The following CCNL2 variants were observed in gnomAD, a reference collection of about 807,000 sequenced individuals.
The protein encoded by CCNL2 is cyclin-L2.
A neutral mutation model predicts 59.1 loss-of-function variants in CCNL2; 28 were observed. The observed-to-expected ratio is 0.47, with a 90% CI of 0.35 to 0.65. The LOEUF (loss-of-function observed/expected upper bound fraction) is 0.65, where lower values mean the gene tolerates loss of function less well. CCNL2 is among the 30% of genes least tolerant of loss of function. The probability of loss-of-function intolerance (pLI) is 0.00; values close to 1 mark genes in which losing one functional copy is unlikely to be tolerated. For synonymous variants in CCNL2, 342 were observed against 288.6 expected, an observed-to-expected ratio of 1.19 and a Z score of -1.88; for missense variants, 714 against 717.4, an observed-to-expected ratio of 1.00 and a Z score of 0.05.
In CCNL2 at chr1:1,386,931, G is replaced by A. The variant is rs1458776441; in HGVS notation, c.*300C>T. ...GCCATGCCAGGCCACGCCAACAAGG[G>A]CGTGTGCATTCACTTTTTCATTGAG... On this transcript the variant is annotated 3_prime_UTR_variant, in exon 11 of 11. Coordinates refer to ENST00000400809, the MANE Select transcript of CCNL2 (RefSeq NM_030937.6). The A allele has an allele frequency of 2.6e-5, 9 of 351,460 alleles. No homozygotes were observed. The highest frequency in any genetic ancestry group is 4.6e-5 in the Non-Finnish European group (9 of 194,086). The allele number at this position is 351,460 out of a possible 1,614,324, so 21.8% of individuals were successfully genotyped here. A position where few individuals can be genotyped will look rare whatever the true frequency, so the allele number is the denominator to read the frequency against.
chr1:1,387,106 T>C lies in CCNL2; in HGVS notation c.*125A>G. On this transcript the variant is annotated 3_prime_UTR_variant, in exon 11 of 11. Coordinates refer to ENST00000400809, the MANE Select transcript of CCNL2 (RefSeq NM_030937.6). ...CGACAGACATTTCCAAAAAGAATCC[T>C]GTTCTAGGACCACTTGCGCTGAGAG... 2 of 689,348 alleles carry C rather than the reference T, an allele frequency of 2.9e-6. No individual in the cohort carries two copies. The highest frequency in any genetic ancestry group is 4.8e-6 in the Non-Finnish European group (2 of 416,964). 42.7% of individuals were successfully genotyped at this position (689,348 alleles called of 1,614,324 possible). A position where few individuals can be genotyped will look rare whatever the true frequency, so the allele number is the denominator to read the frequency against.
Position 1,398,708 on chromosome 1 carries a change from C to T in CCNL2, c.289-37G>A, listed in dbSNP as rs542450128. The T allele has an allele frequency of 1.9e-6, 3 of 1,576,366 alleles. No homozygotes were observed. In the Admixed American group the frequency reaches 5.0e-5, roughly 26 times the overall value. On this transcript the variant is annotated intron_variant, in intron 1 of 10. Coordinates refer to ENST00000400809, the MANE Select transcript of CCNL2 (RefSeq NM_030937.6). ...GAAAGTTTCCGTATTTTCAAACGCACCATTCAAAGCCTTCGCGGCCGAAAG... is the reference window on the plus strand; with the variant it reads ...GAAAGTTTCCGTATTTTCAAACGCATCATTCAAAGCCTTCGCGGCCGAAAG...
chr1:1,398,199 T>A (rs1645153865), intron 3 of CCNL2, 34 bp downstream of exon 3: 2 of 1,597,258 alleles, frequency 1.3e-6, no homozygotes, highest in South Asian at 1.1e-5. Context: ...AAAATAGGCA[T>A]CTATGATAGA....
chr1:1,391,644 C>G (rs749880113), intron 5 of CCNL2: 21 of 871,174 alleles, frequency 2.4e-5, no homozygotes, highest in Non-Finnish European at 3.3e-5. Flanking sequence ...TGAGAAGCAA[C>G]ATAATACTGA....
rs1380366705 is a variant in CCNL2, at chr1:1,387,033, C to T, written c.*198G>A. Reference sequence around the variant, plus strand: ...CCGCACCCCAGACCGGTCTGAAGCACGTGTCACCGGTCCCTCAGTTCCATT... The same window carrying T: ...CCGCACCCCAGACCGGTCTGAAGCATGTGTCACCGGTCCCTCAGTTCCATT... On this transcript the variant is annotated 3_prime_UTR_variant, in exon 11 of 11. Coordinates refer to ENST00000400809, the MANE Select transcript of CCNL2 (RefSeq NM_030937.6). 1.6e-5 allele frequency: 9 copies of T among 563,626 alleles called. No homozygotes were observed. Among genetic ancestry groups the T allele is most frequent in the South Asian group, 2.5e-5 (1 of 39,482 alleles). The allele number at this position is 563,626 out of a possible 1,614,324, so 34.9% of individuals were successfully genotyped here. A position where few individuals can be genotyped will look rare whatever the true frequency, so the allele number is the denominator to read the frequency against.
At chr1:1,391,007 G>GA in intron 5 of CCNL2, 142 bp from the exon 6 acceptor site, 1 of 861,600 alleles carries the variant, frequency 1.2e-6, no homozygotes, top group Non-Finnish European at 1.8e-6. Context: ...ACAGTCCTGT[G>GA]AATCTCAAGA....
intron 8 of CCNL2, chr1:1,388,298 G>A (rs1290849319): frequency 7.7e-6 from 4 of 519,652 alleles, no homozygotes; most frequent in Admixed American, 3.2e-5. Flanking sequence ...CGAGGAGGGC[G>A]GATCACAAAG....
intron 2 of CCNL2, 41 bp from the exon 3 acceptor site, chr1:1,398,383 G>A: frequency 1.9e-6 from 3 of 1,612,906 alleles, no homozygotes; most frequent in South Asian, 1.1e-5. Flanking sequence ...TTTGTCCCCA[G>A]CCACGGCGTC....
At chr1:1,396,738 C>T (rs944285625) in intron 3 of CCNL2, among the ~76,000 whole-genome samples, 4 of 151,186 alleles carry the variant, frequency 2.6e-5, no homozygotes, top group African/African-American at 9.7e-5. Context: ...CGCAACCACA[C>T]CCGGCTAATT....
intron 4 of CCNL2, among the ~76,000 whole-genome samples, chr1:1,394,051 A>G (rs1644882629): frequency 6.6e-6 from 1 of 151,568 alleles, no homozygotes; most frequent in Non-Finnish European, 1.5e-5. Flanking sequence ...GCTTGAAACC[A>G]GGAGGCGGAG....
Position 1,387,599 on chromosome 1 carries a change from C to T in CCNL2, c.1212-17G>A. 6.8e-7 allele frequency: 1 copy of T among 1,471,250 alleles called. No individual in the cohort carries two copies. The highest frequency in any genetic ancestry group is 9.0e-7 in the Non-Finnish European group (1 of 1,106,776). 91.1% of individuals were successfully genotyped at this position (1,471,250 alleles called of 1,614,324 possible). A position where few individuals can be genotyped will look rare whatever the true frequency, so the allele number is the denominator to read the frequency against. Reference sequence around the variant, plus strand: ...TCACTTTTCCTGGGAGGAAGAACAGCACCACCACACGTGTGACCATCTGGC... The same window carrying T: ...TCACTTTTCCTGGGAGGAAGAACAGTACCACCACACGTGTGACCATCTGGC... On this transcript the variant is annotated splice_polypyrimidine_tract_variant and intron_variant, in intron 10 of 10. Transcript: ENST00000400809.
intron 2 of CCNL2, 71 bp downstream of exon 2, chr1:1,398,526 C>G: frequency 6.3e-7 from 1 of 1,583,852 alleles, no homozygotes. Context: ...CCCTTAGTAA[C>G]CGGGCAAAGT....
rs1384864910 is a variant in CCNL2 at position 1,390,131 on chromosome 1, AAAT to A, written c.1006+96_1006+98del. On this transcript the variant is annotated intron_variant, in intron 8 of 10. Coordinates refer to ENST00000400809, the MANE Select transcript of CCNL2 (RefSeq NM_030937.6). ...CCTGTCTCAAAAAAAAAAAAAAAAA[AAAT>A]GTCTGGAAGGAGCACATACCCCAGA... The A allele has an allele frequency of 5.1e-5, 62 of 1,209,326 alleles. No homozygotes were observed. In the Admixed American group the frequency reaches 6.9e-4, roughly 14 times the overall value. The allele number at this position is 1,209,326 out of a possible 1,614,324, so 74.9% of individuals were successfully genotyped here. A position where few individuals can be genotyped will look rare whatever the true frequency, so the allele number is the denominator to read the frequency against.
At chr1:1,388,177 A>G (rs1644562953) in intron 8 of CCNL2, 112 bp from the exon 9 acceptor site, 2 of 802,008 alleles carry the variant, frequency 2.5e-6, no homozygotes, top group Admixed American at 2.2e-5. Context: ...ACGCAAGCAG[A>G]CTGTAACTTC....
At chr1:1,394,782 G>A (rs1326385005) in intron 4 of CCNL2, among the ~76,000 whole-genome samples, 1 of 147,584 alleles carries the variant, frequency 6.8e-6, no homozygotes, top group Non-Finnish European at 1.5e-5. Context: ...AAAAAGGCCA[G>A]GCACAGTGGC....
chr1:1,398,967 G>A (rs1357286355), intron 1 of CCNL2, 52 bp downstream of exon 1: 19 of 1,518,178 alleles, frequency 1.3e-5, no homozygotes, highest in Non-Finnish European at 1.6e-5. Flanking sequence ...CAACAAAGGC[G>A]GCTGCCGCCC....
Position 1,387,489 on chromosome 1 carries a change from G to A in CCNL2, c.1305C>T (p.Ser435=), listed in dbSNP as rs151205333. 1.9e-4 allele frequency: 300 copies of A among 1,598,660 alleles called. No homozygotes were observed. In the African/African-American group the frequency reaches 3.5e-3, roughly 18 times the overall value. The change falls in exon 11 of 11, where the codon AGC becomes AGT. Residue 435 remains serine (S), a synonymous_variant. Transcript: ENST00000400809. ...SDSPPRQAPR[S]APYKGSEIRG... ...GAATCTCAGAGCCTTTGTAGGGAGCGCTGCGGGGGGCCTGTCTCGGTGGGG... is the reference window on the plus strand; with the variant it reads ...GAATCTCAGAGCCTTTGTAGGGAGCACTGCGGGGGGCCTGTCTCGGTGGGG...
rs866884127 is a variant in CCNL2, at chr1:1,386,600, T to G, written c.*631A>C. The G allele has an allele frequency of 6.6e-6, 1 of 152,664 alleles. No individual in the cohort carries two copies. The highest frequency in any genetic ancestry group is 2.4e-5 in the African/African-American group (1 of 41,448). 9.5% of individuals were successfully genotyped at this position (152,664 alleles called of 1,614,324 possible). ...ACTCAGCACCGCACAGATAAAAATA[T>G]ACGACTTTCAACACAGATCCAAATA... On this transcript the variant is annotated 3_prime_UTR_variant, in exon 11 of 11. Transcript: ENST00000400809.
chr1:1,394,619 G>A (rs1011361496), intron 4 of CCNL2, among the ~76,000 whole-genome samples: 7 of 151,838 alleles, frequency 4.6e-5, no homozygotes, highest in African/African-American at 1.7e-4. Flanking sequence ...GTGTGGTGGC[G>A]CATGCCTGTA....
Sources: gnomAD v4.1 joint callset for allele counts (sites outside exome capture counted in the v4.1 genomes callset) on GRCh38, gnomAD v4.1.1 for gene constraint, MANE v1.5 for transcripts, NCBI Gene and HGNC (gene_info 2026-07-23, HGNC 2026-07-21) for gene names.